FAM227A: variants seen among roughly 807,000 people sequenced by gnomAD.
FAM227A encodes the protein protein FAM227A.
In FAM227A, 80 loss-of-function variants were observed where a neutral mutation model predicts 74.7. The observed-to-expected ratio is 1.07, with a 90% CI of 0.89 to 1.29. The LOEUF (loss-of-function observed/expected upper bound fraction) is 1.29, where lower values mean the gene tolerates loss of function less well. FAM227A is among the 50% of genes most tolerant of loss of function. FAM227A has a pLI of 0.00. For missense variants in FAM227A, 654 were observed against 683.4 expected (o/e 0.96, Z 0.48); for synonymous variants, 237 against 241.8 (o/e 0.98, Z 0.19).
intron 6 of FAM227A, among the ~76,000 whole-genome samples, chr22:38,630,107 C>A (rs1555968486): frequency 6.7e-6 from 1 of 150,210 alleles, no homozygotes; most frequent in Non-Finnish European, 1.5e-5. Context: ...CTTTAACCAT[C>A]ACTCACACAC....
intron 2 of FAM227A, among the ~76,000 whole-genome samples, chr22:38,647,133 T>A (rs1802962668): frequency 7.0e-6 from 1 of 142,128 alleles, no homozygotes; most frequent in Non-Finnish European, 1.5e-5. Context: ...CGTGCGATGG[T>A]GCGAGACTCC....
rs912422596 is a variant in FAM227A, at chr22:38,580,639, A to C, written c.*5486T>G. The C allele has an allele frequency of 6.6e-6, 1 of 152,214 alleles. No individual in the cohort carries two copies. Among genetic ancestry groups the C allele is most frequent in the Non-Finnish European group, 1.5e-5 (1 of 68,038 alleles). 9.4% of individuals were successfully genotyped at this position (152,214 alleles called of 1,614,324 possible). A position where few individuals can be genotyped will look rare whatever the true frequency, so the allele number is the denominator to read the frequency against. ...TTTATTAGGTGGATTGTTTCTAAAG[A>C]CAAGTTTCTGTTCCACTACTATTTG... On this transcript the variant is annotated 3_prime_UTR_variant, in exon 17 of 17. Transcript: ENST00000535113.
intron 10 of FAM227A, among the ~76,000 whole-genome samples, chr22:38,620,649 A>T (rs902910795): frequency 7.2e-5 from 11 of 151,918 alleles, no homozygotes; most frequent in Non-Finnish European, 1.2e-4. Context: ...TAAAAAAAAA[A>T]ATACAAAAAA....
intron 16 of FAM227A, among the ~76,000 whole-genome samples, chr22:38,588,694 G>A (rs549578889): frequency 2.7e-5 from 4 of 150,648 alleles, no homozygotes; most frequent in East Asian, 1.9e-4. Context: ...AGGCCGAGAC[G>A]GGTGGATCAC....
intron 15 of FAM227A, among the ~76,000 whole-genome samples, chr22:38,594,039 C>T (rs1165078783): frequency 6.6e-6 from 1 of 152,162 alleles, no homozygotes; most frequent in Non-Finnish European, 1.5e-5. Context: ...TCTGATCTTG[C>T]CTTTTTGATG....
At chr22:38,620,074 C>G in intron 11 of FAM227A, 138 bp downstream of exon 11, 3 of 629,472 alleles carry the variant, frequency 4.8e-6, no homozygotes, top group Non-Finnish European at 5.6e-6. Flanking sequence ...GGGCTCCTCA[C>G]TTAGAAGATG....
In FAM227A at chr22:38,620,181, A is replaced by C. The variant is rs745639141; in HGVS notation, c.1038+31T>G. 8.0e-6 allele frequency: 12 copies of C among 1,494,066 alleles called. 1 individual carries two copies. The highest frequency in any genetic ancestry group is 8.2e-6 in the Non-Finnish European group (9 of 1,096,616). 92.6% of individuals were successfully genotyped at this position (1,494,066 alleles called of 1,614,324 possible). On this transcript the variant is annotated intron_variant, in intron 11 of 16. Transcript: ENST00000535113. ...GGTTCCTGAAGCTTATGGGACTCCA[A>C]AGGGGTCCTGGTCCGTGCCTCCCCA...
At chr22:38,646,483 C>T (rs1340319756) in intron 2 of FAM227A, among the ~76,000 whole-genome samples, 2 of 150,342 alleles carry the variant, frequency 1.3e-5, no homozygotes, top group African/African-American at 2.4e-5. Context: ...GGGATGGTCT[C>T]GATCTCCTGA....
intron 11 of FAM227A, 29 bp from the exon 12 acceptor site, chr22:38,607,505 G>A (rs1201366314): frequency 2.8e-6 from 4 of 1,424,072 alleles, no homozygotes; most frequent in South Asian, 2.5e-5. Context: ...AGAAAGAGAG[G>A]GAGAAAGCGA....
intron 5 of FAM227A, among the ~76,000 whole-genome samples, chr22:38,637,613 C>T (rs114923363): frequency 1.3e-5 from 2 of 152,240 alleles, no homozygotes; most frequent in Non-Finnish European, 1.5e-5. Context: ...TCATGATTCA[C>T]GGCACTGACT....
intron 13 of FAM227A, among the ~76,000 whole-genome samples, chr22:38,604,855 G>A (rs2091251614): frequency 6.6e-6 from 1 of 152,076 alleles, no homozygotes; most frequent in South Asian, 2.1e-4. Context: ...GTTTCACCAT[G>A]TTGGCCAGAC....
At chr22:38,632,957 G>A (rs73157161) in intron 6 of FAM227A, among the ~76,000 whole-genome samples, 4,632 of 152,304 alleles carry the variant, frequency 0.03, 123 homozygotes, top group Non-Finnish European at 0.05. Context: ...CAGCATATGT[G>A]GACAGCTCCT....
In FAM227A at chr22:38,639,870, A is replaced by AGGTCCTGGTGGCC. The variant is rs2092077516; in HGVS notation, c.226-159_226-147dup. The AGGTCCTGGTGGCC allele has an allele frequency of 7.6e-6, 5 of 662,094 alleles. No homozygotes were observed. The South Asian group carries it at 8.8e-5, about 12-fold the overall frequency. The allele number at this position is 662,094 out of a possible 1,614,324, so 41.0% of individuals were successfully genotyped here. A position where few individuals can be genotyped will look rare whatever the true frequency, so the allele number is the denominator to read the frequency against. On this transcript the variant is annotated intron_variant, in intron 3 of 16. Coordinates refer to ENST00000535113, the MANE Select transcript of FAM227A (RefSeq NM_001013647.2). ...ACAGTGCCTTGTCTTTCCAGGTGGT[A>AGGTCCTGGTGGCC]GGTCCTGGTGGCCTCAGTGTCACTG...
chr22:38,602,825 G>A (rs1043083763), intron 13 of FAM227A, among the ~76,000 whole-genome samples: 4 of 152,070 alleles, frequency 2.6e-5, no homozygotes, highest in Non-Finnish European at 4.4e-5. Context: ...GTTTTTGAGG[G>A]GGAGATCTGG....
chr22:38,613,090 ATAT>A (rs1359174331), intron 11 of FAM227A, among the ~76,000 whole-genome samples: 5 of 96,432 alleles, frequency 5.2e-5, no homozygotes, highest in Non-Finnish European at 9.3e-5. Flanking sequence ...AATTATATAT[ATAT>A]ATTATATATA....
chr22:38,630,994 C>T (rs970282244), intron 6 of FAM227A, among the ~76,000 whole-genome samples: 1 of 152,078 alleles, frequency 6.6e-6, no homozygotes, highest in Non-Finnish European at 1.5e-5. Context: ...GTGGTGAAAC[C>T]CTGTCTCTAC....
At chr22:38,646,126 TATAA>T (rs1192469426) in intron 2 of FAM227A, among the ~76,000 whole-genome samples, 4 of 152,054 alleles carry the variant, frequency 2.6e-5, no homozygotes, top group Admixed American at 6.6e-5. Context: ...CTTTGCAAAT[TATAA>T]ATGAGAGTTG....
At chr22:38,654,241 T>G (rs560110032) in intron 1 of FAM227A, among the ~76,000 whole-genome samples, 365 of 151,764 alleles carry the variant, frequency 2.4e-3, no homozygotes, top group African/African-American at 8.6e-3. Flanking sequence ...CCAGCTACTC[T>G]GGAGGCTGAG....
chr22:38,600,043 C>T (rs2146209812), intron 13 of FAM227A, 122 bp from the exon 14 acceptor site: 1 of 937,422 alleles, frequency 1.1e-6, no homozygotes, highest in Non-Finnish European at 1.5e-6. Flanking sequence ...TTAGGATGCA[C>T]CCTAAGAAAA....
Sources: gnomAD v4.1 joint callset for allele counts (sites outside exome capture counted in the v4.1 genomes callset) on GRCh38, gnomAD v4.1.1 for gene constraint, MANE v1.5 for transcripts, NCBI Gene and HGNC (gene_info 2026-07-23, HGNC 2026-07-21) for gene names.